POLD3: variants seen among roughly 807,000 people sequenced by gnomAD.
The protein encoded by POLD3 is DNA polymerase delta subunit 3.
A neutral mutation model predicts 58.2 loss-of-function variants in POLD3; 19 were observed. The observed-to-expected ratio is 0.33, with a 90% CI of 0.23 to 0.48. The LOEUF is 0.48. Ranked by LOEUF, POLD3 falls within the 20% of genes least tolerant of loss-of-function variation. POLD3 has a pLI of 0.99. For missense variants in POLD3, 504 were observed against 545.5 expected (o/e 0.92, Z 0.76); for synonymous variants, 172 against 193.5 (o/e 0.89, Z 0.92).
At position 74,635,815 on chromosome 11, in the gene POLD3, T is replaced by C. The variant is rs116130594; in HGVS notation, c.1120-382T>C. Among the ~76,000 whole-genome samples the C allele has an allele frequency of 6.1e-3, 934 of 152,356 alleles. 3 individuals are homozygous for C. Among genetic ancestry groups the C allele is most frequent in the Middle Eastern group, 0.014 (4 of 294 alleles). The stretch of plus-strand genomic sequence containing the variant: ...TCCCTGTGTACTCCCATAATATCTG[T>C]CTCAGCCCTCACTACACTGTATTGC... On this transcript the variant is annotated intron_variant, in intron 10 of 11. Transcript: ENST00000263681.
chr11:74,629,304 TG>T lies in POLD3; in HGVS notation c.988del (p.Asp330IlefsTer58). 6.2e-7 allele frequency: 1 copy of T among 1,601,726 alleles called. No individual in the cohort carries two copies. The highest frequency in any genetic ancestry group is 8.5e-7 in the Non-Finnish European group (1 of 1,170,756). ...KRRRIKLPES[D>X]SSEDEVFPDS... ...GGAGAAGAATCAAACTTCCTGAATC[TG>T]ATAGCAGTGAAGATGAAGGTGGGCA... On this transcript the variant is annotated frameshift_variant, in exon 9 of 12. Transcript: ENST00000263681. LOFTEE classifies it high-confidence loss of function.
intron 3 of POLD3, among the ~76,000 whole-genome samples, chr11:74,605,720 G>A (rs1414289017): frequency 6.6e-6 from 1 of 152,126 alleles, no homozygotes. Context: ...TAAGTTCAGA[G>A]CCCTGATTTG....
chr11:74,663,240 A>G (rs2033226575), intron 4 of POLD3, among the ~76,000 whole-genome samples: 1 of 152,220 alleles, frequency 6.6e-6, no homozygotes, highest in Non-Finnish European at 1.5e-5. Context: ...AACTAAATTA[A>G]TGGAGTAATA....
In POLD3 at chr11:74,641,970, C is replaced by G. The variant is rs549309228; in HGVS notation, c.*1204C>G. 9 of 985,382 alleles carry G rather than the reference C, an allele frequency of 9.1e-6. No homozygotes were observed. In the South Asian group the frequency reaches 3.3e-4, roughly 36 times the overall value. The allele number at this position is 985,382 out of a possible 1,614,324, so 61.0% of individuals were successfully genotyped here. A position where few individuals can be genotyped will look rare whatever the true frequency, so the allele number is the denominator to read the frequency against. ...GTGACTTCCATTATGGCTGGACAGG[C>G]GGTGAGCTCAGTGGATTGCAGTGGT... On this transcript the variant is annotated 3_prime_UTR_variant, in exon 12 of 12. Coordinates refer to ENST00000263681, the MANE Select transcript of POLD3 (RefSeq NM_006591.3).
chr11:74,604,858 A>G, intron 3 of POLD3, 64 bp downstream of exon 3: 1 of 821,712 alleles, frequency 1.2e-6, no homozygotes, highest in Non-Finnish European at 2.0e-6. Flanking sequence ...GTTATAACAT[A>G]GTTCAGGGGA....
At chr11:74,634,497 C>T in intron 9 of POLD3, 86 bp from the exon 10 acceptor site, 2 of 754,162 alleles carry the variant, frequency 2.7e-6, no homozygotes, top group Non-Finnish European at 4.8e-6. Context: ...CTTTGCTGGA[C>T]ATGTCAATTT....
intron 4 of POLD3, among the ~76,000 whole-genome samples, chr11:74,667,964 A>G (rs755933825): frequency 6.6e-6 from 1 of 152,244 alleles, no homozygotes; most frequent in African/African-American, 2.4e-5. Context: ...TCAAAACATC[A>G]ACGTCGTTAG....
At position 74,642,243 on chromosome 11, in the gene POLD3, G is replaced by C; in HGVS notation, c.*1477G>C. Reference sequence around the variant, plus strand: ...CCAGAAGTTTGGGAGATGAGTCCTGGCATTATGTCTAGGACTAAAGCAGTG... The same window carrying C: ...CCAGAAGTTTGGGAGATGAGTCCTGCCATTATGTCTAGGACTAAAGCAGTG... On this transcript the variant is annotated 3_prime_UTR_variant, in exon 12 of 12. Coordinates refer to ENST00000263681, the MANE Select transcript of POLD3 (RefSeq NM_006591.3). 1.0e-6 allele frequency: 1 copy of C among 985,326 alleles called. No individual in the cohort carries two copies. The highest frequency in any genetic ancestry group is 1.2e-6 in the Non-Finnish European group (1 of 829,878). The allele number at this position is 985,326 out of a possible 1,614,324, so 61.0% of individuals were successfully genotyped here. A position where few individuals can be genotyped will look rare whatever the true frequency, so the allele number is the denominator to read the frequency against.
At chr11:74,620,192 G>C in intron 7 of POLD3, 103 bp downstream of exon 7, 1 of 812,240 alleles carries the variant, frequency 1.2e-6, no homozygotes, top group Non-Finnish European at 2.1e-6. Context: ...GCCAATCCAA[G>C]AGACTACCTG....
intron 11 of POLD3, among the ~76,000 whole-genome samples, chr11:74,637,435 C>CTTTTTTTTTTTTTTTTTTTTTTTTGT (rs5792663): frequency 8.7e-6 from 1 of 115,476 alleles, no homozygotes; most frequent in Non-Finnish European, 1.7e-5. Context: ...CTTTTTCTTC[C>CTTTTTTTTTTTTTTTTTTTTTTTTGT]TTTTTTTTTT....
At chr11:74,637,928 A>C (rs1159962277) in intron 11 of POLD3, among the ~76,000 whole-genome samples, 1 of 151,966 alleles carries the variant, frequency 6.6e-6, no homozygotes, top group Non-Finnish European at 1.5e-5. Flanking sequence ...GTACCAGCAT[A>C]GGGGGCTTGC....
intron 2 of POLD3, among the ~76,000 whole-genome samples, chr11:74,594,539 A>G (rs1354416090): frequency 6.6e-6 from 1 of 152,198 alleles, no homozygotes; most frequent in Non-Finnish European, 1.5e-5. Flanking sequence ...ATTAATGGAC[A>G]TTTGGGTTAT....
chr11:74,653,333 A>ACACACACACG (rs58331480), intron 4 of POLD3, among the ~76,000 whole-genome samples: 2 of 151,694 alleles, frequency 1.3e-5, no homozygotes, highest in East Asian at 1.9e-4. Context: ...ACACACACAC[A>ACACACACACG]TAGTGTGGTC....
Position 74,636,820 on chromosome 11 carries a change from A to G in POLD3, c.1198+545A>G, listed in dbSNP as rs964646247. Among the ~76,000 whole-genome samples, 9 of 152,126 alleles carry G rather than the reference A, an allele frequency of 5.9e-5. No homozygotes were observed. In the East Asian group the frequency reaches 1.7e-3, roughly 29 times the overall value. ...CGAGATTGCTTCCTTTATGTTTCCT[A>G]TTTGTAAGCCATGTTAGGTAAAAGC... On this transcript the variant is annotated intron_variant, in intron 11 of 11. Transcript: ENST00000263681.
chr11:74,618,275 A>G (rs1048386567), intron 5 of POLD3, among the ~76,000 whole-genome samples: 2 of 152,146 alleles, frequency 1.3e-5, no homozygotes, highest in South Asian at 2.1e-4. Context: ...ACCTAATTCC[A>G]ATCCTATCTA....
At chr11:74,629,586 C>CTT (rs59268270) in intron 9 of POLD3, among the ~76,000 whole-genome samples, 18,388 of 144,304 alleles carry the variant, frequency 0.13, 1,393 homozygotes, top group African/African-American at 0.22. Flanking sequence ...CTTTTCTTTT[C>CTT]TTTTTTTTTT....
chr11:74,629,618 T>C (rs1013741842), intron 9 of POLD3, among the ~76,000 whole-genome samples: 16 of 151,822 alleles, frequency 1.1e-4, no homozygotes, highest in Non-Finnish European at 2.2e-4. Context: ...GGGAGGATAT[T>C]CCTTTAGCTA....
chr11:74,610,615 T>C (rs939651259), intron 3 of POLD3, among the ~76,000 whole-genome samples: 2 of 151,806 alleles, frequency 1.3e-5, no homozygotes, highest in Non-Finnish European at 2.9e-5. Flanking sequence ...CGCTTTATCA[T>C]TTGTTTTTGT....
intron 9 of POLD3, among the ~76,000 whole-genome samples, chr11:74,631,757 C>T (rs1321236517): frequency 6.6e-6 from 1 of 152,298 alleles, no homozygotes; most frequent in Non-Finnish European, 1.5e-5. Flanking sequence ...GCTGGAATTA[C>T]AGGCGTGAGC....
Sources: gnomAD v4.1 joint callset for allele counts (sites outside exome capture counted in the v4.1 genomes callset) on GRCh38, gnomAD v4.1.1 for gene constraint, MANE v1.5 for transcripts, NCBI Gene and HGNC (gene_info 2026-07-23, HGNC 2026-07-21) for gene names.